IL1RAPL1: variants seen among roughly 807,000 people sequenced by gnomAD.
IL1RAPL1 encodes interleukin-1 receptor accessory protein-like 1.
Under a neutral mutation model 48.4 loss-of-function variants are expected in IL1RAPL1, and 3 were observed. The observed-to-expected ratio is 0.06, with a 90% CI of 0.03 to 0.16. IL1RAPL1 has a LOEUF of 0.16. Ranked by LOEUF, IL1RAPL1 falls within the 10% of genes least tolerant of loss-of-function variation. IL1RAPL1 has a pLI of 1.00. For missense variants in IL1RAPL1, 349 were observed against 530.6 expected, an observed-to-expected ratio of 0.66 and a Z score of 3.36; for synonymous variants, 185 against 187.7, an observed-to-expected ratio of 0.99 and a Z score of 0.12.
chrX:28,661,365 A>T (rs1934818926), intron 1 of IL1RAPL1, among the ~76,000 whole-genome samples: 1 of 109,366 alleles, frequency 9.1e-6, no homozygotes. Context: ...AAACTCATAT[A>T]CATGTGCATT....
chrX:29,911,506 A>G (rs748794733), intron 6 of IL1RAPL1, among the ~76,000 whole-genome samples: 1 of 112,318 alleles, frequency 8.9e-6, no homozygotes, highest in East Asian at 2.8e-4. Context: ...CATACTATGT[A>G]TGTAAAAAAT....
chrX:29,022,413 AAG>A lies in IL1RAPL1; in HGVS notation c.82+232994_82+232995del, dbSNP rs755424407. On this transcript the variant is annotated intron_variant, in intron 2 of 10. Transcript: ENST00000378993. ...ATAGAAAAGTATATTTCTTGCTTGA[AAG>A]AGAGATTGCTTCCATTCAAGTCATA... Among the ~76,000 whole-genome samples the A allele has an allele frequency of 3.6e-5, 4 of 112,016 alleles. No individual in the cohort carries two copies. In the South Asian group the frequency reaches 1.5e-3, roughly 42 times the overall value.
intron 6 of IL1RAPL1, among the ~76,000 whole-genome samples, chrX:29,678,031 T>C (rs1401581400): frequency 9.0e-6 from 1 of 111,713 alleles, no homozygotes; most frequent in African/African-American, 3.3e-5. Context: ...AGGAACATCT[T>C]GTATTTTGAT....
Position 29,954,774 on chromosome X carries a change from T to G in IL1RAPL1, c.1372+82T>G, listed in dbSNP as rs2147258734. ...ATCACTTTTTCATGGAATTTTAATG[T>G]TTGGTTCTTTACTTCAAAATTTGTA... On this transcript the variant is annotated intron_variant, in intron 10 of 10. Transcript: ENST00000378993. 3.5e-6 allele frequency: 3 copies of G among 849,931 alleles called. No individual in the cohort carries two copies. In the East Asian group the frequency reaches 9.4e-5, roughly 26 times the overall value. The allele number at this position is 849,931 out of a possible 1,213,427, so 70.0% of individuals were successfully genotyped here.
intron 2 of IL1RAPL1, among the ~76,000 whole-genome samples, chrX:29,101,161 A>G (rs1313988195): frequency 8.9e-6 from 1 of 112,090 alleles, no homozygotes; most frequent in African/African-American, 3.2e-5. Flanking sequence ...TAAGAGATGA[A>G]AGAGGAGACA....
At chrX:29,916,345 CA>C (rs776000857) in intron 6 of IL1RAPL1, among the ~76,000 whole-genome samples, 13 of 111,924 alleles carry the variant, frequency 1.2e-4, no homozygotes, top group Non-Finnish European at 1.3e-4. Context: ...ACAAAGGAAA[CA>C]ACAGGTGCTG....
intron 1 of IL1RAPL1, among the ~76,000 whole-genome samples, chrX:28,653,004 A>G (rs1313914044): frequency 9.0e-6 from 1 of 111,655 alleles, no homozygotes; most frequent in Non-Finnish European, 1.9e-5. Context: ...AAAAGAAGAC[A>G]CGCGCAGGTA....
chrX:29,061,345 A>G (rs984969356), intron 2 of IL1RAPL1, among the ~76,000 whole-genome samples: 15 of 112,000 alleles, frequency 1.3e-4, no homozygotes, highest in African/African-American at 4.2e-4. Context: ...GTGATAATAT[A>G]CCAGATTAAA....
chrX:29,554,209 C>T (rs887641097), intron 5 of IL1RAPL1, among the ~76,000 whole-genome samples: 2 of 110,797 alleles, frequency 1.8e-5, no homozygotes, highest in African/African-American at 3.3e-5. Context: ...CCATTAATCG[C>T]GCCATCCAAT....
chrX:29,246,144 A>T (rs1401700358), intron 2 of IL1RAPL1, among the ~76,000 whole-genome samples: 1 of 91,323 alleles, frequency 1.1e-5, no homozygotes, highest in African/African-American at 4.1e-5. Flanking sequence ...GTCATCTCTC[A>T]TCGCTCTTTT....
chrX:29,036,094 G>C (rs1282366448), intron 2 of IL1RAPL1, among the ~76,000 whole-genome samples: 1 of 111,874 alleles, frequency 8.9e-6, no homozygotes, highest in African/African-American at 3.2e-5. Flanking sequence ...GAAGACTTGA[G>C]ACAGAAGCTA....
intron 6 of IL1RAPL1, among the ~76,000 whole-genome samples, chrX:29,710,397 GT>G (rs754154699): frequency 9.4e-6 from 1 of 106,379 alleles, no homozygotes; most frequent in Non-Finnish European, 1.9e-5. Flanking sequence ...TTTCTCAAAT[GT>G]TTTTTCTACA....
At chrX:29,194,542 A>G (rs1469387051) in intron 2 of IL1RAPL1, among the ~76,000 whole-genome samples, 1 of 112,150 alleles carries the variant, frequency 8.9e-6, no homozygotes, top group Non-Finnish European at 1.9e-5. Context: ...AAGAAAACAA[A>G]CCCCTTTTCC....
At chrX:29,666,780 C>G (rs1204620588) in intron 5 of IL1RAPL1, among the ~76,000 whole-genome samples, 1 of 110,943 alleles carries the variant, frequency 9.0e-6, no homozygotes, top group East Asian at 2.8e-4. Flanking sequence ...CTGTAAAAAA[C>G]TGTCAAGTCG....
chrX:29,105,717 A>G (rs1483102097), intron 2 of IL1RAPL1, among the ~76,000 whole-genome samples: 1 of 111,465 alleles, frequency 9.0e-6, no homozygotes, highest in Non-Finnish European at 1.9e-5. Context: ...GTGTAATCTC[A>G]GGAAATTCTT....
chrX:29,185,644 A>C (rs2147523569), intron 2 of IL1RAPL1, among the ~76,000 whole-genome samples: 1 of 112,014 alleles, frequency 8.9e-6, no homozygotes, highest in African/African-American at 3.2e-5. Context: ...TGACTCCATG[A>C]TACTCCAAGT....
chrX:29,788,758 C>G (rs1176859544), intron 6 of IL1RAPL1, among the ~76,000 whole-genome samples: 1 of 111,754 alleles, frequency 8.9e-6, no homozygotes, highest in East Asian at 2.8e-4. Flanking sequence ...TACTATATAG[C>G]TATAAATTTG....
chrX:28,858,225 A>G (rs1333195085), intron 2 of IL1RAPL1, among the ~76,000 whole-genome samples: 2 of 112,205 alleles, frequency 1.8e-5, no homozygotes, highest in African/African-American at 6.5e-5. Flanking sequence ...GATGAAATCT[A>G]CTCCTGGTGA....
chrX:29,044,426 T>A (rs960686900), intron 2 of IL1RAPL1, among the ~76,000 whole-genome samples: 2 of 110,671 alleles, frequency 1.8e-5, no homozygotes, highest in African/African-American at 3.3e-5. Flanking sequence ...TGAGACTCCG[T>A]CTCTAAACAA....
Sources: gnomAD v4.1 joint callset for allele counts (sites outside exome capture counted in the v4.1 genomes callset) on GRCh38, gnomAD v4.1.1 for gene constraint, MANE v1.5 for transcripts, NCBI Gene and HGNC (gene_info 2026-07-23, HGNC 2026-07-21) for gene names.